CSMD1: variants seen among roughly 807,000 people sequenced by gnomAD.
CSMD1 encodes the protein CUB and Sushi multiple domains 1, also known as CUB and sushi domain-containing protein 1.
Under a neutral mutation model 417.5 loss-of-function variants are expected in CSMD1, and 213 were observed. That is an observed-to-expected ratio of 0.51 (90% CI 0.46 to 0.57). The LOEUF (loss-of-function observed/expected upper bound fraction) is 0.57, where lower values mean the gene tolerates loss of function less well. Ranked by LOEUF, CSMD1 falls within the 20% of genes least tolerant of loss-of-function variation. The probability of loss-of-function intolerance (pLI) is 0.00; values close to 1 mark genes in which losing one functional copy is unlikely to be tolerated. For missense variants in CSMD1, 6,923 were observed against 4,529.7 expected (o/e 1.53, Z -15.17); for synonymous variants, 2,862 against 1,736.8 (o/e 1.65, Z -16.11).
intron 10 of CSMD1, among the ~76,000 whole-genome samples, chr8:3,502,786 C>T (rs964672852): frequency 6.6e-6 from 1 of 152,188 alleles, no homozygotes; most frequent in African/African-American, 2.4e-5. Context: ...ATGGTGGACA[C>T]TGACTTTATA....
chr8:4,897,347 CT>C (rs1563704246), intron 1 of CSMD1, among the ~76,000 whole-genome samples: 2 of 151,984 alleles, frequency 1.3e-5, no homozygotes, highest in South Asian at 2.1e-4. Context: ...TATATTGTTT[CT>C]ATAGGCCATG....
intron 50 of CSMD1, among the ~76,000 whole-genome samples, chr8:3,051,079 C>A (rs1207273349): frequency 3.3e-5 from 5 of 152,176 alleles, no homozygotes; most frequent in Non-Finnish European, 7.3e-5. Flanking sequence ...TCATTCAACC[C>A]AGCAATCCCA....
intron 21 of CSMD1, among the ~76,000 whole-genome samples, chr8:3,356,938 GT>G (rs1808834533): frequency 5.3e-5 from 8 of 152,074 alleles, no homozygotes; most frequent in Admixed American, 5.2e-4. Context: ...AATCGATGGG[GT>G]TTTCACTTTG....
intron 3 of CSMD1, among the ~76,000 whole-genome samples, chr8:4,080,107 G>T (rs1011489925): frequency 6.6e-6 from 1 of 151,030 alleles, no homozygotes; most frequent in Non-Finnish European, 1.5e-5. Context: ...TTCCTCACTC[G>T]TTCCATGTAT....
At chr8:4,930,812 T>G (rs11136801) in intron 1 of CSMD1, among the ~76,000 whole-genome samples, 8,099 of 152,272 alleles carry the variant, frequency 0.053, 245 homozygotes, top group African/African-American at 0.078. Context: ...AATTTACATT[T>G]ATTTGATGTG....
At chr8:4,483,334 C>G (rs537416149) in intron 2 of CSMD1, among the ~76,000 whole-genome samples, 4 of 152,266 alleles carry the variant, frequency 2.6e-5, no homozygotes, top group African/African-American at 9.6e-5. Flanking sequence ...TTATCGGCAG[C>G]ATGAAAATGA....
Position 4,159,571 on chromosome 8 carries a change from C to A in CSMD1, c.416-127472G>T, listed in dbSNP as rs758675850. Among the ~76,000 whole-genome samples the A allele has an allele frequency of 8.6e-4, 131 of 152,254 alleles. 1 individual carries two copies. The highest frequency in any genetic ancestry group is 1.5e-3 in the Non-Finnish European group (101 of 68,026). ...ATGAATTAATGGTATTCACAGCAAC[C>A]TGGATGGGATTGCAGACCATTATTA... On this transcript the variant is annotated intron_variant, in intron 3 of 69. Transcript: ENST00000635120.
At chr8:3,866,768 G>A (rs937255642) in intron 5 of CSMD1, among the ~76,000 whole-genome samples, 8 of 152,168 alleles carry the variant, frequency 5.3e-5, no homozygotes, top group Non-Finnish European at 1.0e-4. Flanking sequence ...CATATGCAAA[G>A]TGAGGACTCT....
At chr8:3,755,851 T>G (rs1396258185) in intron 5 of CSMD1, among the ~76,000 whole-genome samples, 1 of 152,132 alleles carries the variant, frequency 6.6e-6, no homozygotes, top group Non-Finnish European at 1.5e-5. Flanking sequence ...GCCTCTTTGC[T>G]TGGATTTATG....
intron 2 of CSMD1, among the ~76,000 whole-genome samples, chr8:4,573,310 G>C (rs1177563010): frequency 6.6e-6 from 1 of 152,048 alleles, no homozygotes; most frequent in East Asian, 1.9e-4. Context: ...TTTCGCATGG[G>C]CATCCTTTTT....
chr8:4,277,548 T>C (rs1347566031), intron 3 of CSMD1, among the ~76,000 whole-genome samples: 1 of 152,182 alleles, frequency 6.6e-6, no homozygotes, highest in Non-Finnish European at 1.5e-5. Flanking sequence ...TTCTTGAAAT[T>C]ATAGACATGG....
chr8:3,052,364 G>C (rs1811873548), intron 50 of CSMD1, 98 bp downstream of exon 50: 1 of 784,746 alleles, frequency 1.3e-6, no homozygotes, highest in African/African-American at 1.7e-5. Flanking sequence ...CACAAGGTGT[G>C]GGAGAGGACC....
At chr8:4,433,089 C>G (rs1245701502) in intron 2 of CSMD1, among the ~76,000 whole-genome samples, 1 of 152,208 alleles carries the variant, frequency 6.6e-6, no homozygotes, top group Non-Finnish European at 1.5e-5. Flanking sequence ...GCCTGATGAT[C>G]TGTCATTGTC....
chr8:3,443,582 G>T (rs1232997297), intron 12 of CSMD1, among the ~76,000 whole-genome samples: 1 of 152,198 alleles, frequency 6.6e-6, no homozygotes, highest in African/African-American at 2.4e-5. Context: ...GTTTAGAAGA[G>T]AAGGAAGCAG....
intron 49 of CSMD1, among the ~76,000 whole-genome samples, chr8:3,054,849 G>T (rs1258350460): frequency 1.3e-5 from 2 of 152,154 alleles, no homozygotes; most frequent in Non-Finnish European, 2.9e-5. Flanking sequence ...TTGGCTCTGT[G>T]GAAGCAACAG....
intron 26 of CSMD1, among the ~76,000 whole-genome samples, chr8:3,270,862 C>T (rs1585872528): frequency 6.6e-6 from 1 of 151,872 alleles, no homozygotes; most frequent in Non-Finnish European, 1.5e-5. Context: ...GCTGGGGAGG[C>T]CTCACAATTA....
intron 7 of CSMD1, among the ~76,000 whole-genome samples, chr8:3,646,703 A>G (rs1797591004): frequency 6.6e-6 from 1 of 152,108 alleles, no homozygotes; most frequent in Admixed American, 6.5e-5. Flanking sequence ...CCCTCCTTCT[A>G]AACAGCGCTT....
At chr8:3,502,582 T>C (rs1796652521) in intron 10 of CSMD1, among the ~76,000 whole-genome samples, 1 of 152,106 alleles carries the variant, frequency 6.6e-6, no homozygotes, top group South Asian at 2.1e-4. Context: ...AAACTAAATA[T>C]ATTTTACCAA....
intron 46 of CSMD1, among the ~76,000 whole-genome samples, chr8:3,102,292 T>G (rs550068097): frequency 6.6e-6 from 1 of 152,294 alleles, no homozygotes; most frequent in South Asian, 2.1e-4. Flanking sequence ...AGGGTCTTAT[T>G]TCCTGTTTGT....
Sources: allele counts gnomAD v4.1 joint callset (sites outside exome capture counted in the v4.1 genomes callset), GRCh38; gene constraint gnomAD v4.1.1; transcripts MANE v1.5; gene names NCBI Gene and HGNC (gene_info 2026-07-23, HGNC 2026-07-21).